TOGARAM1: variants seen among roughly 807,000 people sequenced by gnomAD.
TOGARAM1 encodes the protein TOG array regulator of axonemal microtubules 1.
In TOGARAM1, 100 loss-of-function variants were observed where a neutral mutation model predicts 166.6. The ratio of observed to expected loss-of-function variants is 0.60; its 90% confidence interval spans 0.51 to 0.71. The LOEUF (loss-of-function observed/expected upper bound fraction) is 0.71. TOGARAM1 is among the 30% of genes least tolerant of loss of function. The pLI, the probability that TOGARAM1 is intolerant of heterozygous loss-of-function variation, is 0.00. For missense variants in TOGARAM1, 2,029 were observed against 2,102.7 expected (o/e 0.96, Z 0.69); for synonymous variants, 758 against 763.8 (o/e 0.99, Z 0.13).
intron 1 of TOGARAM1, among the ~76,000 whole-genome samples, chr14:44,966,531 T>C (rs1885548922): frequency 6.6e-6 from 1 of 152,136 alleles, no homozygotes; most frequent in African/African-American, 2.4e-5. Context: ...TAAAAAATTG[T>C]GACATTTCTT....
chr14:44,980,296 A>C (rs1886459564), intron 1 of TOGARAM1, among the ~76,000 whole-genome samples: 1 of 152,212 alleles, frequency 6.6e-6, no homozygotes, highest in Admixed American at 6.5e-5. Context: ...AAAAATCATG[A>C]ATATTTCAAT....
chr14:45,026,394 TG>T (rs1880842053), intron 8 of TOGARAM1, among the ~76,000 whole-genome samples: 1 of 152,212 alleles, frequency 6.6e-6, no homozygotes, highest in African/African-American at 2.4e-5. Context: ...ATCTTATTTT[TG>T]TTCAATATAA....
chr14:45,010,703 G>A (rs1879736160), intron 6 of TOGARAM1, among the ~76,000 whole-genome samples: 1 of 152,054 alleles, frequency 6.6e-6, no homozygotes, highest in Admixed American at 6.6e-5. Flanking sequence ...TAAGATTAGT[G>A]GCTTTAGAAC....
In TOGARAM1 at chr14:44,995,864, G is replaced by T; in HGVS notation, c.2165G>T (p.Arg722Leu). 6.2e-7 allele frequency: 1 copy of T among 1,610,500 alleles called. No homozygotes were observed. Among genetic ancestry groups the T allele is most frequent in the Non-Finnish European group, 8.5e-7 (1 of 1,178,818 alleles). ...RVSRNLFQNS[R>L]DFNPDCLPLC... The stretch of plus-strand genomic sequence containing the variant: ...TCAAGAAACTTATTTCAGAATAGTC[G>T]GGATTTTAACCCAGATTGTCTTCCT... The change falls in exon 2 of 20, where the codon CGG becomes CTG. Residue 722 changes from arginine (R) to leucine (L), a missense_variant. This residue lies in a region of TOGARAM1 where 1,453 missense variants were observed against 1,432.2 expected (regional missense o/e 1.01). Coordinates refer to ENST00000361462, the MANE Select transcript of TOGARAM1 (RefSeq NM_001308120.2).
Position 45,032,283 on chromosome 14 carries a change from G to A in TOGARAM1, c.3719G>A (p.Ser1240Asn). 1 of 1,613,962 alleles carries A rather than the reference G, an allele frequency of 6.2e-7. No homozygotes were observed. Among genetic ancestry groups the A allele is most frequent in the Non-Finnish European group, 8.5e-7 (1 of 1,179,862 alleles). Residue 1240 changes from serine (S) to asparagine (N), a missense_variant, in exon 11 of 20, where the codon AGT becomes AAT. By Grantham distance (46) the Ser-to-Asn change is conservative (BLOSUM62 1). Transcript: ENST00000361462. Reference protein sequence around the residue: ...YKERMPSVTHSPEIMDLSELR... With the variant: ...YKERMPSVTHNPEIMDLSELR... Reference sequence around the variant, plus strand: ...GAAAGGATGCCTTCTGTCACTCATAGTCCAGAAATAATGGATCTGTCAGAA... The same window carrying A: ...GAAAGGATGCCTTCTGTCACTCATAATCCAGAAATAATGGATCTGTCAGAA...
intron 1 of TOGARAM1, among the ~76,000 whole-genome samples, chr14:44,981,096 A>G (rs1886505634): frequency 1.3e-5 from 2 of 152,324 alleles, no homozygotes; most frequent in South Asian, 4.1e-4. Flanking sequence ...TCATAGGTCC[A>G]TGAAGAGATA....
chr14:45,019,156 T>C (rs1022331556), intron 7 of TOGARAM1, among the ~76,000 whole-genome samples: 2 of 152,210 alleles, frequency 1.3e-5, no homozygotes, highest in African/African-American at 4.8e-5. Context: ...TATGGAGGCT[T>C]AAAGCTTTAC....
chr14:45,073,486 G>A lies in TOGARAM1; in HGVS notation c.5247G>A (p.Gln1749=), dbSNP rs760217523. Reference sequence around the variant, plus strand: ...AGATGGGTCAGAATCTGTTAAATCAGGCTGCATCTCAACCACCACATATCA... The same window carrying A: ...AGATGGGTCAGAATCTGTTAAATCAAGCTGCATCTCAACCACCACATATCA... ...FAQMGQNLLN[Q]AASQPPHIKK... is the part of the protein sequence containing the mutation. Residue 1749 remains glutamine (Q), a synonymous_variant, in exon 20 of 20, where the codon CAG becomes CAA. Coordinates refer to ENST00000361462, the MANE Select transcript of TOGARAM1 (RefSeq NM_001308120.2). The A allele has an allele frequency of 6.2e-7, 1 of 1,614,032 alleles. No individual in the cohort carries two copies.
intron 10 of TOGARAM1, among the ~76,000 whole-genome samples, 196 bp from the exon 11 acceptor site, chr14:45,032,027 G>T (rs1325550519): frequency 2.0e-5 from 3 of 152,118 alleles, no homozygotes; most frequent in South Asian, 2.1e-4. Flanking sequence ...GGGCATTGTG[G>T]TGCGCACCTG....
chr14:45,030,789 A>G (rs149052131), intron 10 of TOGARAM1, among the ~76,000 whole-genome samples: 23 of 152,306 alleles, frequency 1.5e-4, no homozygotes, highest in Admixed American at 1.3e-3. Context: ...ACCTCTTTAT[A>G]TAAGATCACA....
At chr14:45,038,645 G>C (rs1446299640) in intron 11 of TOGARAM1, among the ~76,000 whole-genome samples, 1 of 152,150 alleles carries the variant, frequency 6.6e-6, no homozygotes, top group East Asian at 1.9e-4. Flanking sequence ...CCCTTGCTTG[G>C]GAAGCTCCTA....
chr14:45,030,837 A>G (rs1445348815), intron 10 of TOGARAM1, among the ~76,000 whole-genome samples: 2 of 152,148 alleles, frequency 1.3e-5, no homozygotes, highest in African/African-American at 4.8e-5. Context: ...TGCCTCTCCC[A>G]CTCATTAGCA....
chr14:45,068,500 A>G lies in TOGARAM1; in HGVS notation c.4826A>G (p.Lys1609Arg), dbSNP rs1300677744. The G allele has an allele frequency of 3.1e-6, 5 of 1,613,546 alleles. No individual in the cohort carries two copies. The African/African-American group carries it at 4.0e-5, about 13-fold the overall frequency. ...CTGGTGGCTCTGGAAACAATGCACA[A>G]AATGATTCCTCTACTTAGAGACCAC... ...VNLVALETMH[K>R]MIPLLRDHLS... Residue 1609 changes from lysine (K) to arginine (R), a missense_variant, in exon 18 of 20, where the codon AAA becomes AGA. This residue lies in a region of TOGARAM1 where 576 missense variants were observed against 670.5 expected (regional missense o/e 0.86). Transcript: ENST00000361462.
At chr14:45,004,895 G>A (rs1887875088) in intron 4 of TOGARAM1, among the ~76,000 whole-genome samples, 1 of 151,874 alleles carries the variant, frequency 6.6e-6, no homozygotes, top group South Asian at 2.1e-4. Context: ...AATATTTATT[G>A]AATTTTTATT....
At chr14:45,067,368 T>C (rs1883184224) in intron 17 of TOGARAM1, among the ~76,000 whole-genome samples, 1 of 152,140 alleles carries the variant, frequency 6.6e-6, no homozygotes, top group South Asian at 2.1e-4. Flanking sequence ...TTGATATTGC[T>C]TTAGAACAGA....
chr14:45,043,917 T>C, intron 12 of TOGARAM1, 126 bp downstream of exon 12: 1 of 587,550 alleles, frequency 1.7e-6, no homozygotes, highest in Non-Finnish European at 3.0e-6. Flanking sequence ...TTGTATTTAA[T>C]TAAAGTAGTC....
intron 1 of TOGARAM1, chr14:44,995,420 T>G (rs1887363807): frequency 2.2e-6 from 1 of 458,496 alleles, no homozygotes; most frequent in South Asian, 1.6e-5. Flanking sequence ...TAGCATAGTT[T>G]GAGGGGTTAC....
At chr14:44,977,447 G>A (rs561493895) in intron 1 of TOGARAM1, among the ~76,000 whole-genome samples, 46 of 151,106 alleles carry the variant, frequency 3.0e-4, no homozygotes, top group African/African-American at 9.2e-4. Flanking sequence ...CGTGTTAGCT[G>A]GGATGGTCTT....
chr14:45,065,247 A>C (rs1780178893), intron 16 of TOGARAM1, among the ~76,000 whole-genome samples: 2 of 152,156 alleles, frequency 1.3e-5, no homozygotes, highest in South Asian at 4.1e-4. Flanking sequence ...CAACCAACCT[A>C]CCTGTCACTT....
Sources: gnomAD v4.1 joint callset for allele counts (sites outside exome capture counted in the v4.1 genomes callset) on GRCh38, gnomAD v4.1.1 for gene constraint, gnomAD v4.1.1 regional missense constraint, MANE v1.5 for transcripts, NCBI Gene and HGNC (gene_info 2026-07-23, HGNC 2026-07-21) for gene names.